DLG5: variants seen among roughly 807,000 people sequenced by gnomAD.
DLG5 encodes disks large homolog 5.
Under a neutral mutation model 189.8 loss-of-function variants are expected in DLG5, and 48 were observed. That is an observed-to-expected ratio of 0.25 (90% confidence interval 0.20 to 0.32). The LOEUF is 0.32. Among genes scored for constraint, DLG5 ranks in the 10% least tolerant of loss-of-function variants. DLG5 has a pLI of 1.00. For missense variants in DLG5, 2,160 were observed against 2,544.7 expected (o/e 0.85, Z 3.25); for synonymous variants, 1,016 against 1,054.1 (o/e 0.96, Z 0.70).
At chr10:77,809,404 T>TCAA (rs916598728) in intron 24 of DLG5, 143 bp downstream of exon 24, 8 of 914,930 alleles carry the variant, frequency 8.7e-6, no homozygotes, top group African/African-American at 8.4e-5. Flanking sequence ...AGACTCTGCC[T>TCAA]CAACAACAAC....
intron 2 of DLG5, chr10:77,868,829 C>T (rs903101359): frequency 3.9e-5 from 17 of 436,904 alleles, no homozygotes; most frequent in South Asian, 2.4e-4. Flanking sequence ...TGAGTTACTA[C>T]AAGGCCTTTG....
At chr10:77,828,421 A>C (rs1842743094) in intron 13 of DLG5, among the ~76,000 whole-genome samples, 1 of 131,998 alleles carries the variant, frequency 7.6e-6, no homozygotes, top group Non-Finnish European at 1.5e-5. Context: ...CGAAAGTCAG[A>C]GGTTGCAGTG....
chr10:77,809,604 C>T lies in DLG5; in HGVS notation c.4590G>A (p.Glu1530=). 2 of 1,614,224 alleles carry T rather than the reference C, an allele frequency of 1.2e-6. No homozygotes were observed. The highest frequency in any genetic ancestry group is 1.7e-6 in the Non-Finnish European group (2 of 1,180,038). Residue 1530 remains glutamate (E), a synonymous_variant, in exon 24 of 32, where the codon GAG becomes GAA. Coordinates refer to ENST00000372391, the MANE Select transcript of DLG5 (RefSeq NM_004747.4). ...CAGGACCCTTGGCAGGACTGTCATC[C>T]TCCACCTCGGCCACAAACACCCCAT... is the stretch of plus-strand genomic sequence containing the variant. ...NLHGVFVAEV[E]DDSPAKGPDG...
At chr10:77,924,721 T>C (rs1004940802) in intron 1 of DLG5, among the ~76,000 whole-genome samples, 1 of 152,174 alleles carries the variant, frequency 6.6e-6, no homozygotes, top group Non-Finnish European at 1.5e-5. Flanking sequence ...AACTCTGACA[T>C]GACCACAACT....
chr10:77,930,814 ATTTT>A (rs35563477), upstream of DLG5, among the ~76,000 whole-genome samples: 3 of 91,654 alleles, frequency 3.3e-5, no homozygotes, highest in East Asian at 3.6e-4. Flanking sequence ...CACCTGGCTA[ATTTT>A]TTTTTTTTTT....
At position 77,793,992 on chromosome 10, in the gene DLG5, G is replaced by A. The variant is rs776220837; in HGVS notation, c.5656+16C>T. 2.5e-6 allele frequency: 4 copies of A among 1,609,370 alleles called. No individual in the cohort carries two copies. The highest frequency in any genetic ancestry group is 2.2e-5 in the East Asian group (1 of 44,862). On this transcript the variant is annotated intron_variant, in intron 31 of 31. Coordinates refer to ENST00000372391, the MANE Select transcript of DLG5 (RefSeq NM_004747.4). Reference sequence around the variant, plus strand: ...CCCTGCTGCCTGCTCCCCACTCCAGGCCCACGCACACCTACCTGTGAAGTA... The same window carrying A: ...CCCTGCTGCCTGCTCCCCACTCCAGACCCACGCACACCTACCTGTGAAGTA...
Position 77,829,106 on chromosome 10 carries a change from T to C in DLG5, c.2186-121A>G. 6.1e-6 allele frequency: 7 copies of C among 1,148,972 alleles called. No individual in the cohort carries two copies. In the South Asian group the frequency reaches 1.0e-4, roughly 17 times the overall value. 71.2% of individuals were successfully genotyped at this position (1,148,972 alleles called of 1,614,324 possible). On this transcript the variant is annotated intron_variant, in intron 12 of 31. Transcript: ENST00000372391. ...GGATGTCAGCAGGCTGCGCCCTGTCTACGCCTGCACCCTGCCCCAGTCCCA... is the reference window on the plus strand; with the variant it reads ...GGATGTCAGCAGGCTGCGCCCTGTCCACGCCTGCACCCTGCCCCAGTCCCA...
chr10:77,824,063 G>C (rs911354085), intron 14 of DLG5, among the ~76,000 whole-genome samples: 1 of 152,116 alleles, frequency 6.6e-6, no homozygotes, highest in Non-Finnish European at 1.5e-5. Flanking sequence ...ACTTTAGCTT[G>C]TACCTCCCCC....
At chr10:77,808,095 T>C in intron 24 of DLG5, 151 bp from the exon 25 acceptor site, 2 of 927,796 alleles carry the variant, frequency 2.2e-6, no homozygotes, top group Non-Finnish European at 3.2e-6. Context: ...AAGGACTGAG[T>C]CTTCATGGTC....
chr10:77,839,115 T>G (rs1358027201), intron 7 of DLG5, among the ~76,000 whole-genome samples: 17 of 152,248 alleles, frequency 1.1e-4, no homozygotes. Flanking sequence ...GTCTCATTGC[T>G]GGACGCCAGC....
upstream of DLG5, chr10:77,928,726 G>A (rs1181595879): frequency 6.6e-6 from 1 of 152,240 alleles, no homozygotes; most frequent in Non-Finnish European, 1.5e-5. Flanking sequence ...TCTGGCTTAT[G>A]GTTAGAAGCA....
intron 2 of DLG5, chr10:77,866,990 A>G: frequency 2.2e-6 from 1 of 457,328 alleles, no homozygotes; most frequent in Non-Finnish European, 4.4e-6. Flanking sequence ...CACAGACAGT[A>G]CAGACCCATC....
chr10:77,794,964 G>A lies in DLG5; in HGVS notation c.5437-6C>T, dbSNP rs1424665831. ...TCCAGGAGGCAGTGTCGGTTCTGGG[G>A]TGGGGGGTGCAGAGTGAGCCCTGGC... On this transcript the variant is annotated splice_polypyrimidine_tract_variant and splice_region_variant and intron_variant, in intron 29 of 31. Transcript: ENST00000372391. 2 of 1,612,788 alleles carry A rather than the reference G, an allele frequency of 1.2e-6. No individual in the cohort carries two copies. The highest frequency in any genetic ancestry group is 1.7e-6 in the Non-Finnish European group (2 of 1,179,452).
intron 6 of DLG5, among the ~76,000 whole-genome samples, chr10:77,842,640 C>CG (rs1190772773): frequency 1.1e-4 from 16 of 152,304 alleles, no homozygotes; most frequent in Middle Eastern, 3.4e-3. Flanking sequence ...CCTTCCAGGC[C>CG]GGGGGACATC....
chr10:77,792,879 A>G (rs1307163586), intron 31 of DLG5: 1 of 321,798 alleles, frequency 3.1e-6, no homozygotes, highest in African/African-American at 2.1e-5. Context: ...GCAGGAAACG[A>G]CAAGTTTAAG....
Position 77,817,787 on chromosome 10 carries a change from G to C in DLG5, c.3774C>G (p.Ser1258Arg). The C allele has an allele frequency of 1.3e-6, 2 of 1,553,834 alleles. No individual in the cohort carries two copies. The highest frequency in any genetic ancestry group is 1.7e-6 in the Non-Finnish European group (2 of 1,147,990). ...ATHGSNSLPS[S>R]ARLGSSSNLQ... ...AAGTGGTGCAGTTACCCAGGCGGGC[G>C]CTGGAGGGCAGTGAGTTGGACCCAT... Residue 1258 changes from serine (S) to arginine (R), a missense_variant, in exon 18 of 32, where the codon AGC (serine) becomes AGG (arginine). By Grantham distance (110) the Ser-to-Arg change is moderately radical. This residue lies in a region of DLG5 where 754 missense variants were observed against 746.5 expected (regional missense o/e 1.01). Transcript: ENST00000372391.
rs145896112 is a variant in DLG5 at position 77,903,714 on chromosome 10, G to A, written c.304+22503C>T. ...TAAATGAATTTCATGTTTAGACTTCGGTCCCATCCCCAGGATATCTCATTA... is the reference window on the plus strand; with the variant it reads ...TAAATGAATTTCATGTTTAGACTTCAGTCCCATCCCCAGGATATCTCATTA... On this transcript the variant is annotated intron_variant, in intron 1 of 31. Coordinates refer to ENST00000372391, the MANE Select transcript of DLG5 (RefSeq NM_004747.4). Among the ~76,000 whole-genome samples the A allele has an allele frequency of 2.0e-3, 305 of 151,630 alleles. 1 individual carries two copies. Among genetic ancestry groups the A allele is most frequent in the African/African-American group, 6.8e-3 (283 of 41,342 alleles).
intron 2 of DLG5, chr10:77,868,060 A>C (rs1589235809): frequency 2.2e-6 from 1 of 456,604 alleles, no homozygotes; most frequent in African/African-American, 2.0e-5. Flanking sequence ...GGCCCGGGAC[A>C]GATCTCTCCC....
At chr10:77,810,567 G>A (rs1841712496) in intron 23 of DLG5, among the ~76,000 whole-genome samples, 3 of 152,306 alleles carry the variant, frequency 2.0e-5, no homozygotes, top group East Asian at 1.9e-4. Flanking sequence ...CTGCTCCCTC[G>A]GCCTGGACTT....
Sources: gnomAD v4.1 joint callset for allele counts (sites outside exome capture counted in the v4.1 genomes callset) on GRCh38, gnomAD v4.1.1 for gene constraint, gnomAD v4.1.1 regional missense constraint, MANE v1.5 for transcripts, NCBI Gene and HGNC (gene_info 2026-07-23, HGNC 2026-07-21) for gene names.